The following GPATCH8 variants were observed in gnomAD, a reference collection of about 807,000 sequenced individuals.
GPATCH8 encodes G patch domain-containing protein 8.
A neutral mutation model predicts 118.3 loss-of-function variants in GPATCH8; 18 were observed. The ratio of observed to expected loss-of-function variants is 0.15; its 90% confidence interval spans 0.11 to 0.23. The LOEUF is 0.23. Ranked by LOEUF, GPATCH8 falls within the 10% of genes least tolerant of loss-of-function variation. The pLI is 1.00. For missense variants in GPATCH8, 1,631 were observed against 1,873.8 expected, an observed-to-expected ratio of 0.87 and a Z score of 2.39; for synonymous variants, 659 against 684.7, an observed-to-expected ratio of 0.96 and a Z score of 0.59.
chr17:44,404,411 G>C (rs1268286343), intron 7 of GPATCH8, among the ~76,000 whole-genome samples: 1 of 152,150 alleles, frequency 6.6e-6, no homozygotes, highest in Non-Finnish European at 1.5e-5. Context: ...CCAAGGTGCT[G>C]GGATTACAGG....
At chr17:44,440,787 T>G (rs1321490356) in intron 3 of GPATCH8, among the ~76,000 whole-genome samples, 2 of 152,210 alleles carry the variant, frequency 1.3e-5, no homozygotes, top group African/African-American at 4.8e-5. Context: ...TAAGGTTACA[T>G]CAATCTACAA....
chr17:44,477,740 G>A (rs1242655790), intron 1 of GPATCH8, among the ~76,000 whole-genome samples: 3 of 151,208 alleles, frequency 2.0e-5, no homozygotes, highest in Non-Finnish European at 4.4e-5. Flanking sequence ...GGGTATTTCA[G>A]GAATGAAAAA....
Position 44,477,839 on chromosome 17 carries a change from T to G in GPATCH8, c.46-2936A>C, listed in dbSNP as rs111879354. Among the ~76,000 whole-genome samples, 636 of 152,342 alleles carry G rather than the reference T, an allele frequency of 4.2e-3. 9 individuals carry two copies. The highest frequency in any genetic ancestry group is 0.014 in the African/African-American group (584 of 41,576). Reference sequence around the variant, plus strand: ...GTTTTGTTTTGTTTGAGATGGAGTCTTGGTCTGTCGCCCAGGCTAGAGCGC... The same window carrying G: ...GTTTTGTTTTGTTTGAGATGGAGTCGTGGTCTGTCGCCCAGGCTAGAGCGC... On this transcript the variant is annotated intron_variant, in intron 1 of 7. Coordinates refer to ENST00000591680, the MANE Select transcript of GPATCH8 (RefSeq NM_001002909.4).
chr17:44,417,317 T>C (rs1206354952), intron 6 of GPATCH8, among the ~76,000 whole-genome samples: 3 of 152,202 alleles, frequency 2.0e-5, no homozygotes, highest in African/African-American at 4.8e-5. Flanking sequence ...AACTAAATCA[T>C]GTATTAATAG....
intron 3 of GPATCH8, among the ~76,000 whole-genome samples, chr17:44,462,260 C>T (rs1018381271): frequency 6.6e-6 from 1 of 152,176 alleles, no homozygotes; most frequent in Non-Finnish European, 1.5e-5. Context: ...TCCTGGGTGT[C>T]CTCGAATAGA....
intron 1 of GPATCH8, among the ~76,000 whole-genome samples, chr17:44,480,620 T>C (rs980474039): frequency 6.6e-6 from 1 of 150,914 alleles, no homozygotes. Flanking sequence ...CTCGGGAGGC[T>C]GAGGCAGGAG....
chr17:44,459,431 C>T (rs2051462125), intron 3 of GPATCH8, among the ~76,000 whole-genome samples: 1 of 152,112 alleles, frequency 6.6e-6, no homozygotes, highest in Non-Finnish European at 1.5e-5. Context: ...ATTTTAATAT[C>T]CATTTATTGC....
intron 1 of GPATCH8, among the ~76,000 whole-genome samples, chr17:44,496,665 C>CT (rs887769327): frequency 6.6e-6 from 1 of 152,342 alleles, no homozygotes; most frequent in Admixed American, 6.5e-5. Flanking sequence ...TCCTTACTAT[C>CT]TATGGGGCTT....
chr17:44,404,971 T>C (rs2049163243), intron 7 of GPATCH8, among the ~76,000 whole-genome samples: 1 of 152,194 alleles, frequency 6.6e-6, no homozygotes, highest in South Asian at 2.1e-4. Context: ...AAGAGTAAGT[T>C]CCAGTGTTCT....
At chr17:44,438,439 G>A (rs1334327082) in intron 3 of GPATCH8, among the ~76,000 whole-genome samples, 4 of 152,038 alleles carry the variant, frequency 2.6e-5, no homozygotes. Context: ...GTTTTTGACA[G>A]TATTAGAATT....
chr17:44,440,936 C>T (rs914041227), intron 3 of GPATCH8, among the ~76,000 whole-genome samples: 10 of 152,148 alleles, frequency 6.6e-5, no homozygotes, highest in Non-Finnish European at 1.2e-4. Flanking sequence ...CTGCAACCTC[C>T]GCCTCCCAAG....
intron 1 of GPATCH8, among the ~76,000 whole-genome samples, chr17:44,493,600 G>C (rs1969448229): frequency 6.6e-6 from 1 of 152,050 alleles, no homozygotes; most frequent in African/African-American, 2.4e-5. Flanking sequence ...TACTATACAA[G>C]AAATCAGCCA....
intron 7 of GPATCH8, among the ~76,000 whole-genome samples, chr17:44,402,456 A>G (rs1466144218): frequency 1.3e-5 from 2 of 151,858 alleles, no homozygotes; most frequent in East Asian, 3.9e-4. Context: ...ATGGCTGTAC[A>G]TGTATTCACA....
chr17:44,436,022 T>A, intron 4 of GPATCH8, among the ~76,000 whole-genome samples: 1 of 72,912 alleles, frequency 1.4e-5, no homozygotes, highest in Non-Finnish European at 2.4e-5. Flanking sequence ...AGAGCGAAAC[T>A]CCATCTCAAA....
At chr17:44,462,673 T>C (rs576098086) in intron 3 of GPATCH8, among the ~76,000 whole-genome samples, 1 of 152,220 alleles carries the variant, frequency 6.6e-6, no homozygotes, top group Admixed American at 6.5e-5. Flanking sequence ...AATTTTAAAA[T>C]TAAAGGTTTT....
At chr17:44,404,869 T>C (rs947296115) in intron 7 of GPATCH8, among the ~76,000 whole-genome samples, 1 of 151,632 alleles carries the variant, frequency 6.6e-6, no homozygotes, top group African/African-American at 2.4e-5. Flanking sequence ...AAAAAAAAAG[T>C]TGATCTCATA....
chr17:44,397,775 G>T lies in GPATCH8; in HGVS notation c.4302C>A (p.Leu1434=). 1 of 1,583,140 alleles carries T rather than the reference G, an allele frequency of 6.3e-7. No homozygotes were observed. Among genetic ancestry groups the T allele is most frequent in the Non-Finnish European group, 8.6e-7 (1 of 1,162,296 alleles). Residue 1434 remains leucine (L), a synonymous_variant, in exon 8 of 8, where the codon CTC becomes CTA. Transcript: ENST00000591680. ...SIIPGHPATF[L]ASHPIHIIPA... ...GAATGATGTGGATGGGATGGCTAGCGAGAAAGGTGGCAGGGTGGCCAGGGA... is the reference window on the plus strand; with the variant it reads ...GAATGATGTGGATGGGATGGCTAGCTAGAAAGGTGGCAGGGTGGCCAGGGA...
At chr17:44,426,848 A>T (rs7213877) in intron 5 of GPATCH8, among the ~76,000 whole-genome samples, 1,031 of 35,424 alleles carry the variant, frequency 0.029, 11 homozygotes, top group African/African-American at 0.071. Flanking sequence ...ACACACACAC[A>T]CTCTCTCTCT....
intron 1 of GPATCH8, among the ~76,000 whole-genome samples, chr17:44,490,285 G>T (rs1380725604): frequency 6.6e-6 from 1 of 151,870 alleles, no homozygotes; most frequent in Admixed American, 6.6e-5. Flanking sequence ...TCCAGCCTGG[G>T]TAACAGAGCA....
Sources: allele counts gnomAD v4.1 joint callset (sites outside exome capture counted in the v4.1 genomes callset), GRCh38; gene constraint gnomAD v4.1.1; transcripts MANE v1.5; gene names NCBI Gene and HGNC (gene_info 2026-07-23, HGNC 2026-07-21).